PPARA: variants seen among roughly 807,000 people sequenced by gnomAD.
PPARA encodes the protein peroxisome proliferator activated receptor alpha, also known as peroxisome proliferator-activated receptor alpha.
PPARA carries 22 observed loss-of-function variants against 42.2 expected under a neutral mutation model. The observed-to-expected ratio is 0.52, with a 90% CI of 0.37 to 0.74. The LOEUF is 0.74. PPARA is among the 30% of genes least tolerant of loss of function. The pLI, the probability that PPARA is intolerant of heterozygous loss-of-function variation, is 0.00. For missense variants in PPARA, 465 were observed against 608.2 expected (o/e 0.76, Z 2.48); for synonymous variants, 242 against 239.3 (o/e 1.01, Z -0.10).
At chr22:46,164,209 AAAAT>A (rs1410229190) in intron 2 of PPARA, 1 of 152,092 alleles carries the variant, frequency 6.6e-6, no homozygotes, top group Non-Finnish European at 1.5e-5. Flanking sequence ...ATTCTGCCTC[AAAAT>A]AAATAAAGTC....
intron 2 of PPARA, chr22:46,164,929 T>G (rs991603812): frequency 6.6e-6 from 1 of 152,232 alleles, no homozygotes; most frequent in Non-Finnish European, 1.5e-5. Flanking sequence ...AAAAAAATAA[T>G]AAGACGAGTA....
chr22:46,159,991 G>A (rs1202004679), intron 2 of PPARA, among the ~76,000 whole-genome samples: 2 of 152,190 alleles, frequency 1.3e-5, no homozygotes, highest in African/African-American at 2.4e-5. Flanking sequence ...TAGGGACAGA[G>A]ATTCCGATCA....
rs1462687285 is a variant in PPARA, at chr22:46,233,017, C to T, written c.1159+778C>T. 6.7e-6 allele frequency among the ~76,000 whole-genome samples: 1 copy of T among 148,712 alleles called. No homozygotes were observed. Among genetic ancestry groups the T allele is most frequent in the Non-Finnish European group, 1.5e-5 (1 of 67,398 alleles). ...AAAAAAAAAATTATACACACACACACACACACACATTTCGTTTATATTATA... is the reference window on the plus strand; with the variant it reads ...AAAAAAAAAATTATACACACACACATACACACACATTTCGTTTATATTATA... On this transcript the variant is annotated intron_variant, in intron 8 of 8. Coordinates refer to ENST00000407236, the MANE Select transcript of PPARA (RefSeq NM_005036.6). This position sits in a 1 kb window ranked among gnomAD's most constrained non-coding sequence, Gnocchi z 7.3.
Position 46,212,298 on chromosome 22 carries a change from C to T in PPARA, c.209-2875C>T, listed in dbSNP as rs1393136029. 6.6e-6 allele frequency among the ~76,000 whole-genome samples: 1 copy of T among 152,186 alleles called. No homozygotes were observed. Among genetic ancestry groups the T allele is most frequent in the Non-Finnish European group, 1.5e-5 (1 of 68,038 alleles). ...TCTCAAACTCCTGAGCTCAAGTTAT[C>T]TGCCAGCCTCGGCCTCCCAAAGTGC... On this transcript the variant is annotated intron_variant, in intron 4 of 8. Coordinates refer to ENST00000407236, the MANE Select transcript of PPARA (RefSeq NM_005036.6). This position sits in a 1 kb window ranked among gnomAD's most constrained non-coding sequence, Gnocchi z 4.2.
rs976912033 is a variant in PPARA, at chr22:46,196,312, C to G, written c.-42-2030C>G. Among the ~76,000 whole-genome samples the G allele has an allele frequency of 6.6e-6, 1 of 152,194 alleles. No homozygotes were observed. The highest frequency in any genetic ancestry group is 2.4e-5 in the African/African-American group (1 of 41,444). ...TCACCCAGTTAGATTTGTTTGGACT[C>G]CACAAAGTATTCTTGACCATACAAT... On this transcript the variant is annotated intron_variant, in intron 3 of 8. Coordinates refer to ENST00000407236, the MANE Select transcript of PPARA (RefSeq NM_005036.6). This position sits in a 1 kb window ranked among gnomAD's most constrained non-coding sequence, Gnocchi z 5.6.
intron 6 of PPARA, among the ~76,000 whole-genome samples, chr22:46,218,856 G>A (rs6008160): frequency 0.25 from 30,755 of 125,308 alleles, 3,576 homozygotes; most frequent in African/African-American, 0.4. Flanking sequence ...AAAAGAAAAA[G>A]AAAGAAAGAA....
rs758057780 is a variant in PPARA at position 46,162,178 on chromosome 22, G to C, written c.-127+10208G>C. Among the ~76,000 whole-genome samples, 2 of 152,174 alleles carry C rather than the reference G, an allele frequency of 1.3e-5. No individual in the cohort carries two copies. Among genetic ancestry groups the C allele is most frequent in the African/African-American group, 2.4e-5 (1 of 41,438 alleles). On this transcript the variant is annotated intron_variant, in intron 2 of 8. Transcript: ENST00000407236. This position sits in a 1 kb window ranked among gnomAD's most constrained non-coding sequence, Gnocchi z 6.0. ...GGCTCAGTTTCCCTCAGCTACAAGAGGGGTGCATGCTAGGGTTTCTCTGGA... is the reference window on the plus strand; with the variant it reads ...GGCTCAGTTTCCCTCAGCTACAAGACGGGTGCATGCTAGGGTTTCTCTGGA...
intron 6 of PPARA, 142 bp downstream of exon 6, chr22:46,218,543 A>C: frequency 6.9e-7 from 1 of 1,439,222 alleles, no homozygotes; most frequent in Non-Finnish European, 9.7e-7. Context: ...GCCTAAGAAA[A>C]TAAAAGTCGC....
At position 46,190,435 on chromosome 22, in the gene PPARA, T is replaced by C. The variant is rs1162268858; in HGVS notation, c.-42-7907T>C. On this transcript the variant is annotated intron_variant, in intron 3 of 8. Transcript: ENST00000407236. This position sits in a 1 kb window ranked among gnomAD's most constrained non-coding sequence, Gnocchi z 5.6. ...AAAGTGAAAGTCTAACGTTCGTAAT[T>C]ATTGTTCTGGAGGCTTTTGTATCAC... 6.6e-6 allele frequency among the ~76,000 whole-genome samples: 1 copy of C among 152,158 alleles called. No individual in the cohort carries two copies. Among genetic ancestry groups the C allele is most frequent in the Admixed American group, 6.5e-5 (1 of 15,268 alleles).
chr22:46,159,612 A>G (rs1925848280), intron 2 of PPARA, among the ~76,000 whole-genome samples: 1 of 152,198 alleles, frequency 6.6e-6, no homozygotes, highest in Non-Finnish European at 1.5e-5. Flanking sequence ...AAAGGAAGGC[A>G]CTCAATTGTT....
chr22:46,193,641 T>C lies in PPARA; in HGVS notation c.-42-4701T>C, dbSNP rs1931849288. 2.0e-5 allele frequency among the ~76,000 whole-genome samples: 3 copies of C among 152,052 alleles called. No individual in the cohort carries two copies. On this transcript the variant is annotated intron_variant, in intron 3 of 8. Coordinates refer to ENST00000407236, the MANE Select transcript of PPARA (RefSeq NM_005036.6). The surrounding 1 kb of genome is among the most constrained non-coding windows in gnomAD (Gnocchi z 5.3). ...ATTGTAAGGGAAAGAAAATTATGAA[T>C]TTAGAAATGTAAAAGGTCTCAGGTA...
At chr22:46,179,861 C>T (rs1403221862) in intron 3 of PPARA, among the ~76,000 whole-genome samples, 1 of 152,148 alleles carries the variant, frequency 6.6e-6, no homozygotes, top group Non-Finnish European at 1.5e-5. Context: ...TCTCAAAACT[C>T]ACCTAGAAGA....
Position 46,167,810 on chromosome 22 carries a change from A to T in PPARA, c.-126-8943A>T, listed in dbSNP as rs1456242917. Among the ~76,000 whole-genome samples, 1 of 151,918 alleles carries T rather than the reference A, an allele frequency of 6.6e-6. No homozygotes were observed. Among genetic ancestry groups the T allele is most frequent in the Non-Finnish European group, 1.5e-5 (1 of 67,996 alleles). ...GTCATTCCAATGCTTTGGGGGACCG[A>T]GGTGAGAGGATAGCTTGAGGCCAGG... On this transcript the variant is annotated intron_variant, in intron 2 of 8. Transcript: ENST00000407236. This position sits in a 1 kb window ranked among gnomAD's most constrained non-coding sequence, Gnocchi z 4.1.
chr22:46,218,511 A>G, intron 6 of PPARA, 110 bp downstream of exon 6: 1 of 1,542,268 alleles, frequency 6.5e-7, no homozygotes, highest in South Asian at 1.1e-5. Flanking sequence ...TTTCACACCC[A>G]AGTCATTTTG....
rs1049397386 is a variant in PPARA, at chr22:46,236,133, G to C, written c.*753G>C. ...GTGGTGGCACATGCCTGTAATCCCA[G>C]CTACTCGGGAAGCTGAGGCAGGAGA... On this transcript the variant is annotated 3_prime_UTR_variant, in exon 9 of 9. Transcript: ENST00000407236. This position sits in a 1 kb window ranked among gnomAD's most constrained non-coding sequence, Gnocchi z 5.2. 3 of 152,774 alleles carry C rather than the reference G, an allele frequency of 2.0e-5. No homozygotes were observed. The highest frequency in any genetic ancestry group is 7.2e-5 in the African/African-American group (3 of 41,436). The allele number at this position is 152,774 out of a possible 1,614,324, so 9.5% of individuals were successfully genotyped here. A position where few individuals can be genotyped will look rare whatever the true frequency, so the allele number is the denominator to read the frequency against.
chr22:46,175,056 C>T lies in PPARA; in HGVS notation c.-126-1697C>T, dbSNP rs6009058. Among the ~76,000 whole-genome samples the T allele has an allele frequency of 7.9e-3, 1,197 of 152,006 alleles. 12 individuals carry two copies. The highest frequency in any genetic ancestry group is 0.027 in the African/African-American group (1,102 of 41,434). On this transcript the variant is annotated intron_variant, in intron 2 of 8. Coordinates refer to ENST00000407236, the MANE Select transcript of PPARA (RefSeq NM_005036.6). ...CCTCCTGAGTAGCTGGGTTCATAGG[C>T]GTGCACCACACCTGGCTCGTTTTTA...
In PPARA at chr22:46,150,823, C is replaced by G. The variant is rs1248014478; in HGVS notation, c.-210+171C>G. On this transcript the variant is annotated intron_variant, in intron 1 of 8. Transcript: ENST00000407236. This position sits in a 1 kb window ranked among gnomAD's most constrained non-coding sequence, Gnocchi z 7.5. ...CTCCGGGTCCCGGGGACCCGGGGGC[C>G]CGGGGTGCGCGGCTGGGGACCTGAG... The G allele has an allele frequency of 5.9e-5, 9 of 151,540 alleles. No individual in the cohort carries two copies. The highest frequency in any genetic ancestry group is 1.2e-4 in the Non-Finnish European group (8 of 67,868). The allele number at this position is 151,540 out of a possible 1,614,324, so 9.4% of individuals were successfully genotyped here. A position where few individuals can be genotyped will look rare whatever the true frequency, so the allele number is the denominator to read the frequency against.
intron 7 of PPARA, among the ~76,000 whole-genome samples, chr22:46,223,474 C>G (rs1935154017): frequency 6.6e-6 from 1 of 151,798 alleles, no homozygotes; most frequent in South Asian, 2.1e-4. Context: ...GAAACCCCGT[C>G]TCTACTAAAA....
intron 7 of PPARA, among the ~76,000 whole-genome samples, chr22:46,228,908 T>A (rs928177528): frequency 1.3e-5 from 2 of 151,358 alleles, no homozygotes; most frequent in Admixed American, 6.6e-5. Flanking sequence ...ATCGAGACCA[T>A]CCTGGCTAAC....
Sources: gnomAD v4.1 joint callset for allele counts (sites outside exome capture counted in the v4.1 genomes callset) on GRCh38, gnomAD v4.1.1 for gene constraint, Gnocchi (gnomAD v3.1) non-coding constraint, MANE v1.5 for transcripts, NCBI Gene and HGNC (gene_info 2026-07-23, HGNC 2026-07-21) for gene names.